KCNAB3: variants seen among roughly 807,000 people sequenced by gnomAD.
KCNAB3 encodes the protein voltage-gated potassium channel subunit beta-3.
Under a neutral mutation model 67.7 loss-of-function variants are expected in KCNAB3, and 62 were observed. The ratio of observed to expected loss-of-function variants is 0.92; its 90% CI spans 0.75 to 1.13. The LOEUF (loss-of-function observed/expected upper bound fraction) is 1.13, where lower values mean the gene tolerates loss of function less well. Ranked by LOEUF, KCNAB3 falls within the 50% of genes most tolerant of loss-of-function variation. The probability of loss-of-function intolerance (pLI) is 0.00; values close to 1 mark genes in which losing one functional copy is unlikely to be tolerated. For synonymous variants in KCNAB3, 212 were observed against 205.4 expected (o/e 1.03, Z -0.27); for missense variants, 514 against 522.9 (o/e 0.98, Z 0.17).
rs1007163997 is a variant in KCNAB3, at chr17:7,923,008, G to A, written c.*94C>T. The A allele has an allele frequency of 3.3e-6, 4 of 1,216,674 alleles. No individual in the cohort carries two copies. The Admixed American group carries it at 5.1e-5, about 16-fold the overall frequency. The allele number at this position is 1,216,674 out of a possible 1,614,324, so 75.4% of individuals were successfully genotyped here. A position where few individuals can be genotyped will look rare whatever the true frequency, so the allele number is the denominator to read the frequency against. The stretch of plus-strand genomic sequence containing the variant: ...CGGGGCTAGTCTGGCTCCGGCCGCT[G>A]CGTGGAGGGATCCGGAGCGGGAGAG... On this transcript the variant is annotated 3_prime_UTR_variant, in exon 14 of 14. Transcript: ENST00000303790.
At chr17:7,923,905 C>G (rs566383198) in intron 11 of KCNAB3, 63 bp downstream of exon 11, 15 of 1,566,362 alleles carry the variant, frequency 9.6e-6, no homozygotes, top group African/African-American at 6.8e-5. Flanking sequence ...AGCAGCCCCC[C>G]GTAACTCCCC....
At chr17:7,924,540 C>G (rs747801511) in intron 8 of KCNAB3, 40 bp from the exon 9 acceptor site, 3 of 1,574,934 alleles carry the variant, frequency 1.9e-6, no homozygotes, top group East Asian at 2.3e-5. Context: ...TGTCAGAGCC[C>G]TGGAATCTAA....
rs1972357909 is a variant in KCNAB3, at chr17:7,929,536, G to A, written c.-101C>T. 1.3e-6 allele frequency: 2 copies of A among 1,519,892 alleles called. No homozygotes were observed. Among genetic ancestry groups the A allele is most frequent in the South Asian group, 1.2e-5 (1 of 80,520 alleles). 94.2% of individuals were successfully genotyped at this position (1,519,892 alleles called of 1,614,324 possible). ...CGGGGGCGTAGTGGGGCGAACCCCG[G>A]CAGAGCGGGAAGGCTGAGGAGGCTG... On this transcript the variant is annotated 5_prime_UTR_variant, in exon 1 of 14. Transcript: ENST00000303790. The surrounding 1 kb of genome is among the most constrained non-coding windows in gnomAD (Gnocchi z 5.7).
chr17:7,922,962 A>G lies in KCNAB3; in HGVS notation c.*140T>C. 1 of 761,688 alleles carries G rather than the reference A, an allele frequency of 1.3e-6. No individual in the cohort carries two copies. Among genetic ancestry groups the G allele is most frequent in the South Asian group, 1.5e-5 (1 of 65,894 alleles). The allele number at this position is 761,688 out of a possible 1,614,324, so 47.2% of individuals were successfully genotyped here. A position where few individuals can be genotyped will look rare whatever the true frequency, so the allele number is the denominator to read the frequency against. On this transcript the variant is annotated 3_prime_UTR_variant, in exon 14 of 14. Transcript: ENST00000303790. ...CTTTGTTCATGCGTATCACTACTCGAAGCCGGGACTCGTTGGTGGGCGGGG... is the reference window on the plus strand; with the variant it reads ...CTTTGTTCATGCGTATCACTACTCGGAGCCGGGACTCGTTGGTGGGCGGGG...
chr17:7,923,163 G>A lies in KCNAB3; in HGVS notation c.1154C>T (p.Thr385Ile), dbSNP rs770460769. 2.2e-5 allele frequency: 35 copies of A among 1,614,106 alleles called. No homozygotes were observed. Among genetic ancestry groups the A allele is most frequent in the Non-Finnish European group, 2.8e-5 (33 of 1,180,036 alleles). The change falls in exon 14 of 14, where the codon ACC (threonine) becomes ATC (isoleucine). Residue 385 changes from threonine (T) to isoleucine (I), a missense_variant. Thr to Ile is a moderately conservative substitution (Grantham distance 89, BLOSUM62 -1). Transcript: ENST00000303790. ...LGALQVLSQL[T>I]PQTVMEIDGL... ...GTCTATTTCCATCACTGTCTGCGGGGTCAGCTGGCTCAGCACCTGGAGGAG... is the reference window on the plus strand; with the variant it reads ...GTCTATTTCCATCACTGTCTGCGGGATCAGCTGGCTCAGCACCTGGAGGAG...
chr17:7,925,419 C>G, intron 7 of KCNAB3: 1 of 594,936 alleles, frequency 1.7e-6, no homozygotes, highest in Non-Finnish European at 3.0e-6. Context: ...ATCCCAGTTA[C>G]TCGAGACGCT....
In KCNAB3 at chr17:7,924,203, G is replaced by A; in HGVS notation, c.774C>T (p.His258=). The change falls in exon 10 of 14, where the codon CAC becomes CAT. Residue 258 remains histidine, a synonymous_variant. Coordinates refer to ENST00000303790, the MANE Select transcript of KCNAB3 (RefSeq NM_004732.4). ...CCACCTTCTCCCTCTGAAACAGATG[G>A]TGCTCCGCTTGTTCACACACTGGAG... ...LIPPVCEQAE[H]HLFQREKVEM... is the part of the protein sequence containing the mutation. The A allele has an allele frequency of 3.1e-6, 5 of 1,614,218 alleles. No homozygotes were observed. Among genetic ancestry groups the A allele is most frequent in the Non-Finnish European group, 4.2e-6 (5 of 1,180,036 alleles).
rs774549537 is a variant in KCNAB3, at chr17:7,925,935, C to T, written c.490G>A (p.Gly164Arg). ...CGCAGTGGGGCAGCCACTTACTGTC[C>T]TCCCCAAAAAATCTTGGTAGTGATG... ...YVITTKIFWG[G>R]QAETERGLSR... The change falls in exon 6 of 14, where the codon GGA (glycine) becomes AGA (arginine). Residue 164 changes from glycine (G) to arginine (R), a missense_variant. Transcript: ENST00000303790. 3.7e-6 allele frequency: 6 copies of T among 1,612,916 alleles called. No individual in the cohort carries two copies. In the Admixed American group the frequency reaches 1.0e-4, roughly 27 times the overall value.
At chr17:7,925,026 A>G in intron 8 of KCNAB3, 71 bp downstream of exon 8, 1 of 1,415,586 alleles carries the variant, frequency 7.1e-7, no homozygotes, top group Non-Finnish European at 9.9e-7. Context: ...GATTACAGGA[A>G]TGAGCCACCG....
rs1211808626 is a variant in KCNAB3, at chr17:7,924,481, G to A, written c.645C>T (p.Thr215=). ...CPMEEIVRAM[T]YVINQGLALY... is the part of the protein sequence containing the mutation. ...GGGCCAGGCCCTGGTTGATGACATA[G>A]GTCATGGCTCGCACAATCTCTAGGT... The change falls in exon 9 of 14, where the codon ACC becomes ACT. Residue 215 remains threonine, a synonymous_variant. Coordinates refer to ENST00000303790, the MANE Select transcript of KCNAB3 (RefSeq NM_004732.4). 8.7e-6 allele frequency: 14 copies of A among 1,613,906 alleles called. No homozygotes were observed. Among genetic ancestry groups the A allele is most frequent in the Non-Finnish European group, 1.2e-5 (14 of 1,179,916 alleles).
At chr17:7,927,888 C>A (rs941911178) in intron 1 of KCNAB3, 62 bp from the exon 2 acceptor site, 1 of 1,595,684 alleles carries the variant, frequency 6.3e-7, no homozygotes, top group Non-Finnish European at 8.6e-7. Flanking sequence ...GATTATCAGC[C>A]CCCAGCTCCT....
rs1038655984 is a variant in KCNAB3, at chr17:7,922,687, A to T, written c.*415T>A. On this transcript the variant is annotated 3_prime_UTR_variant, in exon 14 of 14. Transcript: ENST00000303790. ...GACATCACAACTCACTCACTAGGTT[A>T]TTACCCTTTGATGACATTTCAAGGG... is the stretch of plus-strand genomic sequence containing the variant. 1 of 214,158 alleles carries T rather than the reference A, an allele frequency of 4.7e-6. No homozygotes were observed. The highest frequency in any genetic ancestry group is 9.7e-6 in the Non-Finnish European group (1 of 103,236). The allele number at this position is 214,158 out of a possible 1,614,324, so 13.3% of individuals were successfully genotyped here.
chr17:7,927,502 A>G, intron 3 of KCNAB3, 79 bp from the exon 4 acceptor site: 1 of 1,519,538 alleles, frequency 6.6e-7, no homozygotes, highest in Non-Finnish European at 9.1e-7. Context: ...ATCACATCTC[A>G]GCCCTGGGTT....
chr17:7,923,709 A>G lies in KCNAB3; in HGVS notation c.1048+2T>C. The stretch of plus-strand genomic sequence containing the variant: ...GGGCCCCTGCAGGGTGCAATGTCTC[A>G]CCAATAGCAAGCTGGGCCACGGTGC... On this transcript the variant is annotated splice_donor_variant, in intron 12 of 13. Coordinates refer to ENST00000303790, the MANE Select transcript of KCNAB3 (RefSeq NM_004732.4). LOFTEE classifies it high-confidence loss of function. 1 of 1,558,542 alleles carries G rather than the reference A, an allele frequency of 6.4e-7. No homozygotes were observed. Among genetic ancestry groups the G allele is most frequent in the Non-Finnish European group, 8.7e-7 (1 of 1,150,676 alleles).
At chr17:7,924,773 C>G in intron 8 of KCNAB3, 2 of 999,112 alleles carry the variant, frequency 2.0e-6, no homozygotes, top group Non-Finnish European at 2.7e-6. Flanking sequence ...GACAGGGTCT[C>G]ACTCTGTCAC....
chr17:7,923,144 T>C lies in KCNAB3; in HGVS notation c.1173A>G (p.Glu391=). 1 of 1,614,196 alleles carries C rather than the reference T, an allele frequency of 6.2e-7. No homozygotes were observed. Among genetic ancestry groups the C allele is most frequent in the Non-Finnish European group, 8.5e-7 (1 of 1,180,018 alleles). Residue 391 remains glutamate (E), a synonymous_variant, in exon 14 of 14, where the codon GAA becomes GAG. Transcript: ENST00000303790. ...GCTTGTTTCCCAGGAGCCCGTCTAT[T>C]TCCATCACTGTCTGCGGGGTCAGCT... is the stretch of plus-strand genomic sequence containing the variant. ...LSQLTPQTVM[E]IDGLLGNKPH...
chr17:7,929,821 CTGGGCTCCCAG>C lies in KCNAB3; in HGVS notation c.-397_-387del. The C allele has an allele frequency of 9.4e-7, 1 of 1,068,912 alleles. No individual in the cohort carries two copies. The highest frequency in any genetic ancestry group is 1.1e-6 in the Non-Finnish European group (1 of 882,566). The allele number at this position is 1,068,912 out of a possible 1,614,324, so 66.2% of individuals were successfully genotyped here. ...TCAGCGCGAACCGCTGCGGGACCCGCTGGGCTCCCAGCCGCGTCGGCAGCGGGCCCAGCTCA... is the reference window on the plus strand; with the variant it reads ...TCAGCGCGAACCGCTGCGGGACCCGCCCGCGTCGGCAGCGGGCCCAGCTCA... On this transcript the variant is annotated 5_prime_UTR_variant, in exon 1 of 14. Transcript: ENST00000303790. This position sits in a 1 kb window ranked among gnomAD's most constrained non-coding sequence, Gnocchi z 5.7.
At position 7,929,447 on chromosome 17, in the gene KCNAB3, GAGGC is replaced by G; in HGVS notation, c.-16_-13del. On this transcript the variant is annotated 5_prime_UTR_variant, in exon 1 of 14. Coordinates refer to ENST00000303790, the MANE Select transcript of KCNAB3 (RefSeq NM_004732.4). This position sits in a 1 kb window ranked among gnomAD's most constrained non-coding sequence, Gnocchi z 5.7. ...ATAGACACCTGCATGCTGGCTGGCC[GAGGC>G]GGGGGAGGGGGCTCCGAGGGGACGG... The G allele has an allele frequency of 6.5e-7, 1 of 1,546,066 alleles. No individual in the cohort carries two copies. The highest frequency in any genetic ancestry group is 8.7e-7 in the Non-Finnish European group (1 of 1,145,428).
At position 7,925,190 on chromosome 17, in the gene KCNAB3, G is replaced by A. The variant is rs1334623470; in HGVS notation, c.539-7C>T. ...TCCAGGGATCCTCGCAAGCCTGGAG[G>A]TGGGGTAGGGAGAAGAAAATAAGCA... On this transcript the variant is annotated splice_region_variant and splice_polypyrimidine_tract_variant and intron_variant, in intron 7 of 13. Coordinates refer to ENST00000303790, the MANE Select transcript of KCNAB3 (RefSeq NM_004732.4). 3.1e-6 allele frequency: 5 copies of A among 1,612,036 alleles called. No individual in the cohort carries two copies. Among genetic ancestry groups the A allele is most frequent in the Non-Finnish European group, 4.2e-6 (5 of 1,178,456 alleles).
Sources: gnomAD v4.1 joint callset for allele counts on GRCh38, gnomAD v4.1.1 for gene constraint, Gnocchi (gnomAD v3.1) non-coding constraint, MANE v1.5 for transcripts, NCBI Gene and HGNC (gene_info 2026-07-23, HGNC 2026-07-21) for gene names.